Variants in SNX29 observed in about 807,000 individuals in gnomAD.
SNX29 encodes the protein sorting nexin 29, also known as sorting nexin-29.
SNX29 carries 78 observed loss-of-function variants against 102.1 expected under a neutral mutation model. The observed-to-expected ratio is 0.76, with a 90% CI of 0.64 to 0.92. The LOEUF (loss-of-function observed/expected upper bound fraction) is 0.92. Among genes scored for constraint, SNX29 ranks in the 40% least tolerant of loss-of-function variants. The pLI, the probability that SNX29 is intolerant of heterozygous loss-of-function variation, is 0.00. For synonymous variants in SNX29, 580 were observed against 414.5 expected (o/e 1.40, Z -4.85); for missense variants, 1,280 against 1,061.7 (o/e 1.21, Z -2.86).
intron 16 of SNX29, among the ~76,000 whole-genome samples, chr16:12,396,815 A>G (rs2083740275): frequency 6.6e-6 from 1 of 152,210 alleles, no homozygotes; most frequent in African/African-American, 2.4e-5. Context: ...ACTTAAATTG[A>G]TATATAATGT....
At position 12,572,307 on chromosome 16, in the gene SNX29, A is replaced by AG. The variant is rs11407600; in HGVS notation, c.*3680dup. On this transcript the variant is annotated 3_prime_UTR_variant, in exon 21 of 21. Coordinates refer to ENST00000566228, the MANE Select transcript of SNX29 (RefSeq NM_032167.5). ...GTACTGGGGCCAGTGATCACAATCC[A>AG]GGTTGGAAACAGGAGTGAAGCCCAC... The AG allele has an allele frequency of 1, 1,062,860 of 1,062,894 alleles. 531,413 individuals are homozygous for AG. The highest frequency in any genetic ancestry group is 1 in the Middle Eastern group (2,388 of 2,388). The allele number at this position is 1,062,894 out of a possible 1,614,324, so 65.8% of individuals were successfully genotyped here.
chr16:12,508,866 C>G (rs986958886), intron 19 of SNX29, among the ~76,000 whole-genome samples: 1 of 152,176 alleles, frequency 6.6e-6, no homozygotes, highest in Non-Finnish European at 1.5e-5. Flanking sequence ...ACACAATGGC[C>G]AAGCAGAGTG....
rs796459458 is a variant in SNX29, at chr16:12,362,562, ACCCC to A, written c.1899+6291_1899+6294del. Among the ~76,000 whole-genome samples, 14 of 19,992 alleles carry A rather than the reference ACCCC, an allele frequency of 7.0e-4. 1 individual carries two copies. Among genetic ancestry groups the A allele is most frequent in the East Asian group, 2.1e-3 (1 of 470 alleles). 13.1% of individuals were successfully genotyped at this position (19,992 alleles called of 152,430 possible). On this transcript the variant is annotated intron_variant, in intron 16 of 20. Transcript: ENST00000566228. Reference sequence around the variant, plus strand: ...ATTTTGGCTGCTGCACTCCCCCCCCACCCCCCCCCCCACCAGTTTCTCCTCATGC... The same window carrying A: ...ATTTTGGCTGCTGCACTCCCCCCCCACCCCCCCACCAGTTTCTCCTCATGC...
Position 12,251,727 on chromosome 16 carries a change from C to G in SNX29, c.1679-26206C>G, listed in dbSNP as rs557145120. On this transcript the variant is annotated intron_variant, in intron 14 of 20. Transcript: ENST00000566228. ...CCAAAACAAAAGCAAAAACAAAAAC[C>G]AAACACAAATTCATAACTAATTTTA... Among the ~76,000 whole-genome samples the G allele has an allele frequency of 2.0e-5, 3 of 152,104 alleles. No homozygotes were observed. The East Asian group carries it at 5.8e-4, about 29-fold the overall frequency.
At chr16:12,481,421 C>T (rs2087904110) in intron 19 of SNX29, among the ~76,000 whole-genome samples, 1 of 149,982 alleles carries the variant, frequency 6.7e-6, no homozygotes, top group African/African-American at 2.5e-5. Context: ...CATATACATA[C>T]ACACATATAC....
At chr16:11,981,213 G>A (rs1004417612) in intron 1 of SNX29, among the ~76,000 whole-genome samples, 4 of 151,952 alleles carry the variant, frequency 2.6e-5, no homozygotes, top group Admixed American at 6.6e-5. Context: ...CAAGTGGTCC[G>A]CCTACCTCAG....
At chr16:12,378,902 G>T (rs1233399973) in intron 16 of SNX29, among the ~76,000 whole-genome samples, 1 of 152,166 alleles carries the variant, frequency 6.6e-6, no homozygotes, top group Non-Finnish European at 1.5e-5. Flanking sequence ...GCCCAGGGTT[G>T]CCAGCAGAAA....
At chr16:12,078,641 TAA>T (rs1410408452) in intron 10 of SNX29, among the ~76,000 whole-genome samples, 190 bp from the exon 11 acceptor site, 1 of 152,192 alleles carries the variant, frequency 6.6e-6, no homozygotes, top group Non-Finnish European at 1.5e-5. Context: ...GGGTTACAAA[TAA>T]ATTTTAGTGC....
chr16:12,107,816 G>A (rs1227259643), intron 11 of SNX29, among the ~76,000 whole-genome samples: 4 of 152,082 alleles, frequency 2.6e-5, no homozygotes, highest in Non-Finnish European at 5.9e-5. Flanking sequence ...CAGGTGTTCT[G>A]CTACCCGTCC....
At chr16:12,072,421 A>G (rs1378004455) in intron 10 of SNX29, among the ~76,000 whole-genome samples, 1 of 152,166 alleles carries the variant, frequency 6.6e-6, no homozygotes, top group Non-Finnish European at 1.5e-5. Context: ...ATCTACTGAG[A>G]TAATCATGTG....
intron 2 of SNX29, among the ~76,000 whole-genome samples, chr16:12,001,992 C>A (rs1281197483): frequency 2.0e-5 from 3 of 149,182 alleles, no homozygotes; most frequent in African/African-American, 2.5e-5. Flanking sequence ...TCCCCTTCAG[C>A]CTCGGTGACA....
chr16:12,088,801 A>G (rs1391874372), intron 11 of SNX29, among the ~76,000 whole-genome samples: 3 of 151,990 alleles, frequency 2.0e-5, no homozygotes, highest in Non-Finnish European at 4.4e-5. Flanking sequence ...ACATTTAAAA[A>G]TTGGCCAGGT....
chr16:12,472,537 A>AAC (rs1555547110), intron 18 of SNX29, among the ~76,000 whole-genome samples: 1 of 149,856 alleles, frequency 6.7e-6, no homozygotes, highest in East Asian at 2.1e-4. Context: ...ACCAAAAAAA[A>AAC]AAAAAACAAA....
chr16:12,031,292 G>A (rs1440236334), intron 4 of SNX29, among the ~76,000 whole-genome samples: 2 of 151,646 alleles, frequency 1.3e-5, no homozygotes, highest in Admixed American at 1.3e-4. Flanking sequence ...GGCTGGTCTC[G>A]AACTCCTGGC....
intron 15 of SNX29, among the ~76,000 whole-genome samples, chr16:12,298,423 G>C (rs1016172439): frequency 6.6e-6 from 1 of 152,312 alleles, no homozygotes. Context: ...GAACAAGCCT[G>C]TGCAGATTAT....
In SNX29 at chr16:12,036,585, C is replaced by T. The variant is rs375232649; in HGVS notation, c.248-6312C>T. 4.1e-4 allele frequency among the ~76,000 whole-genome samples: 63 copies of T among 152,266 alleles called. No individual in the cohort carries two copies. In the East Asian group the frequency reaches 0.01, roughly 25 times the overall value. On this transcript the variant is annotated intron_variant, in intron 4 of 20. Transcript: ENST00000566228. The stretch of plus-strand genomic sequence containing the variant: ...TCCTGACCTCGTGATCCACCTGCCT[C>T]GGCCTCCCAAAGTGCTGGGATTACA...
chr16:12,218,195 A>G (rs1379135740), intron 14 of SNX29, among the ~76,000 whole-genome samples: 2 of 152,232 alleles, frequency 1.3e-5, no homozygotes, highest in African/African-American at 4.8e-5. Flanking sequence ...TTAATACTTT[A>G]TTAGATTTTT....
intron 19 of SNX29, among the ~76,000 whole-genome samples, chr16:12,505,407 G>C (rs2089326662): frequency 6.6e-6 from 1 of 152,126 alleles, no homozygotes; most frequent in Non-Finnish European, 1.5e-5. Flanking sequence ...TGGCATCCTT[G>C]TGGAAAATCA....
chr16:12,264,104 C>T (rs1438034181), intron 14 of SNX29, among the ~76,000 whole-genome samples: 2 of 152,200 alleles, frequency 1.3e-5, no homozygotes, highest in Admixed American at 6.5e-5. Context: ...GGGCAGGAGA[C>T]TGTGTGCCGG....
Sources: allele counts gnomAD v4.1 joint callset (sites outside exome capture counted in the v4.1 genomes callset), GRCh38; gene constraint gnomAD v4.1.1; transcripts MANE v1.5; gene names NCBI Gene and HGNC (gene_info 2026-07-23, HGNC 2026-07-21).